Variants in STX18 observed in about 807,000 individuals in gnomAD.
STX18 encodes syntaxin 18, also known as syntaxin-18.
In STX18, 40 loss-of-function variants were observed where a neutral mutation model predicts 50.1. The ratio of observed to expected loss-of-function variants is 0.80; its 90% confidence interval spans 0.62 to 1.04. The LOEUF (loss-of-function observed/expected upper bound fraction) is 1.04. Ranked by LOEUF, STX18 falls within the 50% of genes least tolerant of loss-of-function variation. The pLI is 0.00. For missense variants in STX18, 410 were observed against 415.8 expected (o/e 0.99, Z 0.12); for synonymous variants, 158 against 151.8 (o/e 1.04, Z -0.30).
At chr4:4,475,209 A>G (rs143192487) in intron 1 of STX18, among the ~76,000 whole-genome samples, 262 of 152,320 alleles carry the variant, frequency 1.7e-3, no homozygotes, top group African/African-American at 5.8e-3. Flanking sequence ...TGTGATCCCA[A>G]CTTCATATGC....
chr4:4,531,766 T>A (rs1731106929), intron 1 of STX18, among the ~76,000 whole-genome samples: 1 of 152,234 alleles, frequency 6.6e-6, no homozygotes, highest in South Asian at 2.1e-4. Context: ...TAATAAGTCC[T>A]AAAACATTTA....
chr4:4,536,786 G>C (rs146313634), intron 1 of STX18, among the ~76,000 whole-genome samples: 1 of 152,274 alleles, frequency 6.6e-6, no homozygotes, highest in East Asian at 1.9e-4. Flanking sequence ...ACGAAGTTTA[G>C]CTTCCACAAA....
chr4:4,488,101 C>T (rs1428516606), intron 1 of STX18, among the ~76,000 whole-genome samples: 1 of 152,092 alleles, frequency 6.6e-6, no homozygotes, highest in African/African-American at 2.4e-5. Flanking sequence ...CATATAGTCT[C>T]TATGACAAGC....
intron 2 of STX18, among the ~76,000 whole-genome samples, chr4:4,464,391 T>A (rs1413784752): frequency 1.3e-5 from 2 of 152,232 alleles, no homozygotes; most frequent in Non-Finnish European, 2.9e-5. Flanking sequence ...CTTGCATCAT[T>A]CCTTCATCTG....
chr4:4,469,542 C>T (rs1033851436), intron 2 of STX18, among the ~76,000 whole-genome samples: 10 of 152,028 alleles, frequency 6.6e-5, no homozygotes, highest in East Asian at 1.9e-4. Flanking sequence ...ACCTGAGAAG[C>T]GGTGTGAGGG....
intron 1 of STX18, among the ~76,000 whole-genome samples, chr4:4,473,291 CT>C (rs565584459): frequency 0.047 from 6,371 of 134,628 alleles, 95 homozygotes; most frequent in African/African-American, 0.065. Flanking sequence ...GGAAATCTGA[CT>C]TTTTTTTTTT....
At chr4:4,517,362 A>G (rs1397173997) in intron 1 of STX18, among the ~76,000 whole-genome samples, 2 of 152,358 alleles carry the variant, frequency 1.3e-5, no homozygotes, top group East Asian at 3.9e-4. Flanking sequence ...ACAGTGTAGA[A>G]TAAAGAATAA....
At chr4:4,430,171 G>A (rs768192493) in intron 7 of STX18, among the ~76,000 whole-genome samples, 30 of 152,162 alleles carry the variant, frequency 2.0e-4, no homozygotes, top group Non-Finnish European at 4.0e-4. Context: ...TTTGAAATAT[G>A]TAATAACTGT....
intron 7 of STX18, chr4:4,426,049 TC>T (rs2108773709): frequency 6.6e-6 from 1 of 152,244 alleles, no homozygotes. Flanking sequence ...CTGCATTTCC[TC>T]CCCGATGCAT....
chr4:4,433,197 C>T (rs1725602899), intron 7 of STX18, among the ~76,000 whole-genome samples: 1 of 152,204 alleles, frequency 6.6e-6, no homozygotes. Flanking sequence ...GAAGATTCAA[C>T]AGGACAACAT....
At chr4:4,491,130 AG>A (rs1728922937) in intron 1 of STX18, among the ~76,000 whole-genome samples, 1 of 151,536 alleles carries the variant, frequency 6.6e-6, no homozygotes, top group Admixed American at 6.6e-5. Flanking sequence ...AAAAAAAAAA[AG>A]AAGGAAAGTG....
chr4:4,506,256 A>C (rs1381335235), intron 1 of STX18, among the ~76,000 whole-genome samples: 2 of 152,276 alleles, frequency 1.3e-5, no homozygotes, highest in Admixed American at 6.5e-5. Context: ...CATTTGTAGC[A>C]GTTCTATTCA....
chr4:4,428,593 T>A (rs186325104), intron 7 of STX18, among the ~76,000 whole-genome samples: 5 of 152,242 alleles, frequency 3.3e-5, no homozygotes, highest in African/African-American at 1.2e-4. Flanking sequence ...AAATGAGCGG[T>A]CAGATGCTGT....
At chr4:4,542,101 C>T, upstream of STX18, 1 of 1,134,524 alleles carries the variant, frequency 8.8e-7, no homozygotes, top group Non-Finnish European at 1.2e-6. Flanking sequence ...AAGAAAGGTT[C>T]CGGCCTGCGC....
intron 1 of STX18, 134 bp from the exon 2 acceptor site, chr4:4,471,840 A>G: frequency 1.6e-6 from 1 of 607,496 alleles, no homozygotes; most frequent in Non-Finnish European, 2.8e-6. Flanking sequence ...TCGGTTTTGG[A>G]CTCTCGTACA....
chr4:4,443,554 G>C (rs1230468630), intron 5 of STX18, among the ~76,000 whole-genome samples: 5 of 152,152 alleles, frequency 3.3e-5, no homozygotes, highest in African/African-American at 9.7e-5. Context: ...CATTTTATGA[G>C]GCCAGTATTA....
intron 7 of STX18, among the ~76,000 whole-genome samples, chr4:4,430,447 C>A (rs1725462798): frequency 6.6e-6 from 1 of 152,174 alleles, no homozygotes; most frequent in Non-Finnish European, 1.5e-5. Context: ...CATTAAATAG[C>A]CTGTCATAAA....
At chr4:4,497,897 T>C (rs1329024658) in intron 1 of STX18, among the ~76,000 whole-genome samples, 3 of 152,186 alleles carry the variant, frequency 2.0e-5, no homozygotes, top group Non-Finnish European at 2.9e-5. Context: ...ACATCAACTT[T>C]ACCTTCCAAG....
rs140934956 is a variant in STX18 at position 4,469,081 on chromosome 4, T to G, written c.236+2558A>C. On this transcript the variant is annotated intron_variant, in intron 2 of 10. Transcript: ENST00000306200. ...TATATTCCCCTTGAGGAAAAGCCACTGGATTTGGTGATTAGGAAGTCACAG... is the reference window on the plus strand; with the variant it reads ...TATATTCCCCTTGAGGAAAAGCCACGGGATTTGGTGATTAGGAAGTCACAG... Among the ~76,000 whole-genome samples, 326 of 152,214 alleles carry G rather than the reference T, an allele frequency of 2.1e-3. 6 individuals carry two copies. Among genetic ancestry groups the G allele is most frequent in the East Asian group, 0.012 (60 of 5,188 alleles).
Sources: allele counts gnomAD v4.1 joint callset (sites outside exome capture counted in the v4.1 genomes callset), GRCh38; gene constraint gnomAD v4.1.1; transcripts MANE v1.5; gene names NCBI Gene and HGNC (gene_info 2026-07-23, HGNC 2026-07-21).